The following ETV6 variants were observed in gnomAD, a reference collection of about 807,000 sequenced individuals.
The protein encoded by ETV6 is ETS variant transcription factor 6.
A neutral mutation model predicts 51.1 loss-of-function variants in ETV6; 16 were observed. The ratio of observed to expected loss-of-function variants is 0.31; its 90% CI spans 0.21 to 0.48. The LOEUF (loss-of-function observed/expected upper bound fraction) is 0.48, where lower values mean the gene tolerates loss of function less well. Ranked by LOEUF, ETV6 falls within the 20% of genes least tolerant of loss-of-function variation. ETV6 has a pLI of 0.99. For synonymous variants in ETV6, 240 were observed against 224.1 expected, an observed-to-expected ratio of 1.07 and a Z score of -0.64; for missense variants, 458 against 594.8, an observed-to-expected ratio of 0.77 and a Z score of 2.39.
intron 1 of ETV6, among the ~76,000 whole-genome samples, chr12:11,703,543 A>C (rs1298728261): frequency 6.6e-6 from 1 of 152,012 alleles, no homozygotes; most frequent in Non-Finnish European, 1.5e-5. Context: ...TATAACACAT[A>C]CTCTGCCCTT....
chr12:11,823,030 T>C (rs915804308), intron 2 of ETV6, among the ~76,000 whole-genome samples: 2 of 152,086 alleles, frequency 1.3e-5, no homozygotes, highest in Non-Finnish European at 2.9e-5. Flanking sequence ...GTCTTCCAAA[T>C]AGACAAGACT....
intron 3 of ETV6, among the ~76,000 whole-genome samples, chr12:11,847,392 C>T (rs1946481248): frequency 6.6e-6 from 1 of 152,114 alleles, no homozygotes; most frequent in Non-Finnish European, 1.5e-5. Flanking sequence ...GAAGAAGTGC[C>T]AGGCTGGAGT....
chr12:11,750,990 T>C, intron 1 of ETV6: 1 of 392,320 alleles, frequency 2.5e-6, no homozygotes, highest in Non-Finnish European at 5.0e-6. Context: ...ACCTGGGATA[T>C]ATGTGCCTGC....
chr12:11,806,736 C>T (rs567371364), intron 2 of ETV6, among the ~76,000 whole-genome samples: 15 of 152,132 alleles, frequency 9.9e-5, no homozygotes, highest in South Asian at 2.1e-4. Context: ...AAAGAACTGG[C>T]CAGAGAGTTG....
intron 1 of ETV6, among the ~76,000 whole-genome samples, chr12:11,701,413 T>A (rs1387183909): frequency 6.6e-6 from 1 of 152,206 alleles, no homozygotes; most frequent in African/African-American, 2.4e-5. Context: ...TCACTTAGCA[T>A]GATGTTAAAA....
At chr12:11,864,506 T>C (rs573679146) in intron 4 of ETV6, among the ~76,000 whole-genome samples, 39 of 152,364 alleles carry the variant, frequency 2.6e-4, no homozygotes, top group African/African-American at 8.9e-4. Context: ...CTGTCTTCAA[T>C]AGTTGTTTAC....
At chr12:11,742,901 G>C (rs910055928) in intron 1 of ETV6, among the ~76,000 whole-genome samples, 1 of 149,574 alleles carries the variant, frequency 6.7e-6, no homozygotes, top group Non-Finnish European at 1.5e-5. Flanking sequence ...CAACCTCCTG[G>C]GCTCAAGTGA....
At chr12:11,780,691 C>T (rs1945401667) in intron 2 of ETV6, among the ~76,000 whole-genome samples, 1 of 152,192 alleles carries the variant, frequency 6.6e-6, no homozygotes, top group African/African-American at 2.4e-5. Flanking sequence ...TCCCTTAAGA[C>T]TCAAACACTG....
At chr12:11,770,383 A>T (rs1304870596) in intron 2 of ETV6, among the ~76,000 whole-genome samples, 3 of 151,874 alleles carry the variant, frequency 2.0e-5, no homozygotes, top group Non-Finnish European at 2.9e-5. Context: ...CGCTTACTAG[A>T]TGCTGGGTTG....
chr12:11,649,973 C>T lies in ETV6; in HGVS notation c.-155C>T. On this transcript the variant is annotated 5_prime_UTR_variant, in exon 1 of 8. Coordinates refer to ENST00000396373, the MANE Select transcript of ETV6 (RefSeq NM_001987.5). ...CCGCCGGCCGCCCCGCCCCGCCCCGCGCGCTCCAGACCCCCGGGGCGGCTG... is the reference window on the plus strand; with the variant it reads ...CCGCCGGCCGCCCCGCCCCGCCCCGTGCGCTCCAGACCCCCGGGGCGGCTG... 1.8e-6 allele frequency: 1 copy of T among 541,820 alleles called. No homozygotes were observed. The highest frequency in any genetic ancestry group is 3.1e-6 in the Non-Finnish European group (1 of 321,290). 33.6% of individuals were successfully genotyped at this position (541,820 alleles called of 1,614,324 possible).
At chr12:11,817,822 AC>A (rs1946015143) in intron 2 of ETV6, among the ~76,000 whole-genome samples, 1 of 152,126 alleles carries the variant, frequency 6.6e-6, no homozygotes, top group Non-Finnish European at 1.5e-5. Context: ...AGACATATGC[AC>A]TCATAACTCT....
intron 5 of ETV6, among the ~76,000 whole-genome samples, chr12:11,878,237 CAAAG>C (rs762504164): frequency 4.6e-5 from 7 of 152,056 alleles, no homozygotes; most frequent in Non-Finnish European, 8.8e-5. Flanking sequence ...ACTGAGAAAT[CAAAG>C]AGCCCTAAAA....
At chr12:11,721,107 C>T (rs1320016948) in intron 1 of ETV6, among the ~76,000 whole-genome samples, 1 of 152,158 alleles carries the variant, frequency 6.6e-6, no homozygotes, top group African/African-American at 2.4e-5. Context: ...AATGCTTATA[C>T]ACCGGTGGGG....
chr12:11,678,259 TGTAA>T (rs1240969789), intron 1 of ETV6, among the ~76,000 whole-genome samples: 1 of 152,180 alleles, frequency 6.6e-6, no homozygotes, highest in Non-Finnish European at 1.5e-5. Context: ...ATTTGAAGGC[TGTAA>T]GTGTGTGCTG....
chr12:11,652,095 T>C (rs1348305870), intron 1 of ETV6, among the ~76,000 whole-genome samples: 2 of 152,244 alleles, frequency 1.3e-5, no homozygotes, highest in African/African-American at 4.8e-5. Flanking sequence ...TCCTTATTGC[T>C]TACAACTCAG....
At chr12:11,758,855 C>T (rs1175382028) in intron 2 of ETV6, among the ~76,000 whole-genome samples, 3 of 152,232 alleles carry the variant, frequency 2.0e-5, no homozygotes, top group Non-Finnish European at 4.4e-5. Context: ...CGACCAGCCA[C>T]TAGCATTTTC....
intron 1 of ETV6, among the ~76,000 whole-genome samples, chr12:11,686,126 G>A (rs1387685228): frequency 3.3e-5 from 5 of 152,180 alleles, no homozygotes; most frequent in Admixed American, 3.3e-4. Context: ...GGTATTTTAG[G>A]CTTTACCAGT....
At chr12:11,889,848 A>G (rs1256599744) in intron 7 of ETV6, among the ~76,000 whole-genome samples, 1 of 152,202 alleles carries the variant, frequency 6.6e-6, no homozygotes, top group African/African-American at 2.4e-5. Flanking sequence ...AAGCTCTAAG[A>G]TAGTGGCGCA....
chr12:11,890,370 T>G (rs556094286), intron 7 of ETV6, among the ~76,000 whole-genome samples: 1 of 152,074 alleles, frequency 6.6e-6, no homozygotes, highest in East Asian at 1.9e-4. Flanking sequence ...CGTGTGGTCA[T>G]GCATTAATGC....
Sources: allele counts gnomAD v4.1 joint callset (sites outside exome capture counted in the v4.1 genomes callset), GRCh38; gene constraint gnomAD v4.1.1; transcripts MANE v1.5; gene names NCBI Gene and HGNC (gene_info 2026-07-23, HGNC 2026-07-21).